Variants in SUGCT observed in about 807,000 individuals in gnomAD.
SUGCT encodes succinyl-CoA:glutarate CoA-transferase.
Under a neutral mutation model 55.0 loss-of-function variants are expected in SUGCT, and 41 were observed. That is an observed-to-expected ratio of 0.74 (90% CI 0.58 to 0.97). The LOEUF is 0.97. Ranked by LOEUF, SUGCT falls within the 50% of genes least tolerant of loss-of-function variation. The pLI is 0.00. For missense variants in SUGCT, 568 were observed against 547.8 expected, an observed-to-expected ratio of 1.04 and a Z score of -0.37; for synonymous variants, 187 against 200.4, an observed-to-expected ratio of 0.93 and a Z score of 0.56.
At chr7:40,927,743 G>T in the SUGCT span, among the ~76,000 whole-genome samples, 12 of 152,204 alleles carry the variant, frequency 7.9e-5, no homozygotes, top group Non-Finnish European at 1.0e-4. Flanking sequence ...GAGCCTCCAT[G>T]TAACACCACT....
At chr7:40,245,450 T>TA (rs1469872903) in intron 7 of SUGCT, among the ~76,000 whole-genome samples, 8,007 of 82,714 alleles carry the variant, frequency 0.097, 917 homozygotes, top group Non-Finnish European at 0.13. Flanking sequence ...TTTTTTTTTT[T>TA]TTTTTTTGAG....
At chr7:40,689,500 T>C (rs1784598767) in intron 12 of SUGCT, among the ~76,000 whole-genome samples, 2 of 152,184 alleles carry the variant, frequency 1.3e-5, no homozygotes, top group Non-Finnish European at 2.9e-5. Context: ...CATAATCCTC[T>C]CAGATTTCAG....
intron 12 of SUGCT, among the ~76,000 whole-genome samples, chr7:40,581,842 G>C (rs1160174881): frequency 1.3e-5 from 2 of 152,168 alleles, no homozygotes. Flanking sequence ...AGAGAATCTC[G>C]AGGAGTCCAA....
At chr7:40,750,276 A>G (rs1438687578) in intron 13 of SUGCT, among the ~76,000 whole-genome samples, 1 of 152,238 alleles carries the variant, frequency 6.6e-6, no homozygotes, top group African/African-American at 2.4e-5. Context: ...ATCGCTGGAA[A>G]ATCCACATTC....
At chr7:40,240,612 G>T (rs1315158151) in intron 7 of SUGCT, among the ~76,000 whole-genome samples, 2 of 152,218 alleles carry the variant, frequency 1.3e-5, no homozygotes, top group African/African-American at 4.8e-5. Context: ...GATTGTACGG[G>T]AAAGCACTTC....
chr7:40,710,667 A>G (rs1486417833), intron 12 of SUGCT, among the ~76,000 whole-genome samples: 1 of 152,186 alleles, frequency 6.6e-6, no homozygotes, highest in Non-Finnish European at 1.5e-5. Flanking sequence ...ATTAATAACT[A>G]GTCTAGGAAA....
At chr7:40,598,486 A>G (rs182531685) in intron 12 of SUGCT, among the ~76,000 whole-genome samples, 92 of 152,346 alleles carry the variant, frequency 6.0e-4, no homozygotes, top group African/African-American at 2.1e-3. Context: ...GAGGATTCAT[A>G]GAGGTGATAA....
intron 7 of SUGCT, among the ~76,000 whole-genome samples, chr7:40,261,947 T>G (rs894781249): frequency 3.3e-5 from 5 of 152,206 alleles, no homozygotes; most frequent in Non-Finnish European, 7.3e-5. Context: ...TCTTAGTCTA[T>G]TCCTTAAAAT....
At chr7:40,930,404 G>A in the SUGCT span, among the ~76,000 whole-genome samples, 1 of 152,130 alleles carries the variant, frequency 6.6e-6, no homozygotes, top group Non-Finnish European at 1.5e-5. Context: ...GGCTATGCAG[G>A]CTCTTTTTTG....
At chr7:40,668,610 A>C (rs2151866444) in intron 12 of SUGCT, among the ~76,000 whole-genome samples, 1 of 152,318 alleles carries the variant, frequency 6.6e-6, no homozygotes. Flanking sequence ...CTAAAAAGTA[A>C]AGAGAAAAAG....
Position 40,693,990 on chromosome 7 carries a change from A to G in SUGCT, c.1090-55444A>G, listed in dbSNP as rs547652029. ...TTCCCACAGATCAAACAAATTAAAG[A>G]TGTCAGGATCCATTGCACAGCCAAT... is the stretch of plus-strand genomic sequence containing the variant. On this transcript the variant is annotated intron_variant, in intron 12 of 13. Transcript: ENST00000335693. Among the ~76,000 whole-genome samples the G allele has an allele frequency of 2.6e-5, 4 of 152,322 alleles. No individual in the cohort carries two copies. The East Asian group carries it at 7.7e-4, about 29-fold the overall frequency.
chr7:40,439,545 T>C (rs1467580313), intron 9 of SUGCT, among the ~76,000 whole-genome samples: 1 of 152,184 alleles, frequency 6.6e-6, no homozygotes, highest in Non-Finnish European at 1.5e-5. Context: ...ATAGAGAAAG[T>C]CACTCAGTTG....
chr7:40,358,928 G>T (rs148175051), intron 9 of SUGCT, among the ~76,000 whole-genome samples: 1 of 152,298 alleles, frequency 6.6e-6, no homozygotes, highest in African/African-American at 2.4e-5. Context: ...TTCCAGGCAT[G>T]TGTTATATCT....
chr7:40,918,867 T>C, the SUGCT span, among the ~76,000 whole-genome samples: 1 of 152,226 alleles, frequency 6.6e-6, no homozygotes, highest in African/African-American at 2.4e-5. Context: ...ATCTCTTATA[T>C]CACTGTTTTA....
At chr7:40,705,720 C>T (rs1036236708) in intron 12 of SUGCT, among the ~76,000 whole-genome samples, 2 of 152,192 alleles carry the variant, frequency 1.3e-5, no homozygotes, top group East Asian at 1.9e-4. Context: ...TCTCGGACCA[C>T]TTAACTGTGC....
intron 5 of SUGCT, among the ~76,000 whole-genome samples, chr7:40,192,783 C>A (rs1785992304): frequency 1.3e-5 from 2 of 151,676 alleles, no homozygotes; most frequent in Non-Finnish European, 2.9e-5. Flanking sequence ...AGGTGCCCAC[C>A]ACCATGCCTG....
At chr7:40,729,373 T>C (rs1345909197) in intron 12 of SUGCT, among the ~76,000 whole-genome samples, 1 of 152,224 alleles carries the variant, frequency 6.6e-6, no homozygotes, top group Non-Finnish European at 1.5e-5. Flanking sequence ...ATAAATTCTA[T>C]AATGTGTGTA....
chr7:40,188,194 G>A (rs1010869375), intron 3 of SUGCT, among the ~76,000 whole-genome samples: 6 of 152,128 alleles, frequency 3.9e-5, no homozygotes, highest in Non-Finnish European at 7.4e-5. Flanking sequence ...AGCACTTTGG[G>A]AAGCTGAAGC....
chr7:40,303,491 CTT>C (rs897786027), intron 8 of SUGCT, among the ~76,000 whole-genome samples: 1 of 147,198 alleles, frequency 6.8e-6, no homozygotes, highest in South Asian at 2.2e-4. Context: ...CATTTCTTCT[CTT>C]TTTTTTTTGA....
Sources: allele counts gnomAD v4.1 joint callset (sites outside exome capture counted in the v4.1 genomes callset), GRCh38; gene constraint gnomAD v4.1.1; transcripts MANE v1.5; gene names NCBI Gene and HGNC (gene_info 2026-07-23, HGNC 2026-07-21).